The following SLC9C2 variants were observed in gnomAD, a reference collection of about 807,000 sequenced individuals.
SLC9C2 encodes solute carrier family 9 member C2 (putative).
A neutral mutation model predicts 140.2 loss-of-function variants in SLC9C2; 75 were observed. The ratio of observed to expected loss-of-function variants is 0.53; its 90% CI spans 0.44 to 0.65. The LOEUF is 0.65. Ranked by LOEUF, SLC9C2 falls within the 30% of genes least tolerant of loss-of-function variation. The probability of loss-of-function intolerance (pLI) is 0.00; values close to 1 mark genes in which losing one functional copy is unlikely to be tolerated. For missense variants in SLC9C2, 1,074 were observed against 1,331.8 expected (o/e 0.81, Z 3.01); for synonymous variants, 375 against 420.9 (o/e 0.89, Z 1.34).
chr1:173,552,295 G>T (rs1663366838), intron 11 of SLC9C2, among the ~76,000 whole-genome samples: 6 of 152,212 alleles, frequency 3.9e-5, no homozygotes, highest in Admixed American at 3.9e-4. Context: ...GCTGCAGCAA[G>T]TTATCCAGAA....
chr1:173,555,779 G>GA (rs1036321915), intron 10 of SLC9C2, among the ~76,000 whole-genome samples: 16 of 151,986 alleles, frequency 1.1e-4, no homozygotes, highest in Admixed American at 6.5e-4. Flanking sequence ...TAAATCCTCA[G>GA]AAAAAAAATG....
At chr1:173,599,142 G>A (rs1012169494) in intron 3 of SLC9C2, among the ~76,000 whole-genome samples, 1 of 150,924 alleles carries the variant, frequency 6.6e-6, no homozygotes, top group Non-Finnish European at 1.5e-5. Flanking sequence ...TTTTTGAGAC[G>A]GAGTCTCGCT....
chr1:173,521,420 C>G, intron 21 of SLC9C2, 21 bp from the exon 22 acceptor site: 1 of 1,263,030 alleles, frequency 7.9e-7, no homozygotes, highest in Non-Finnish European at 1.1e-6. Context: ...AAAAAAAAAA[C>G]GAAAAGAAAA....
intron 4 of SLC9C2, among the ~76,000 whole-genome samples, chr1:173,591,355 A>C (rs1666150045): frequency 6.6e-6 from 1 of 152,006 alleles, no homozygotes; most frequent in Admixed American, 6.6e-5. Context: ...ATGTATCTTC[A>C]CGGCAGAATG....
intron 3 of SLC9C2, among the ~76,000 whole-genome samples, chr1:173,599,509 G>T (rs1383296590): frequency 6.6e-6 from 1 of 151,180 alleles, no homozygotes; most frequent in Non-Finnish European, 1.5e-5. Flanking sequence ...TGAGTAGCTG[G>T]GACTACAGGC....
intron 20 of SLC9C2, among the ~76,000 whole-genome samples, 199 bp downstream of exon 20, chr1:173,524,580 T>C (rs1661065592): frequency 6.6e-6 from 1 of 152,212 alleles, no homozygotes; most frequent in Non-Finnish European, 1.5e-5. Flanking sequence ...TTTCTGTTAC[T>C]TGCAATCAAG....
At chr1:173,548,365 A>G (rs779291833) in intron 12 of SLC9C2, 24 bp downstream of exon 12, 1 of 1,599,662 alleles carries the variant, frequency 6.3e-7, no homozygotes, top group South Asian at 1.1e-5. Flanking sequence ...AAGGAAAACT[A>G]CTTTTTGCCA....
intron 11 of SLC9C2, among the ~76,000 whole-genome samples, chr1:173,550,917 GA>G (rs1663252736): frequency 1.1e-5 from 1 of 91,104 alleles, no homozygotes; most frequent in Non-Finnish European, 2.2e-5. Flanking sequence ...AGAAGGAAGG[GA>G]AGGGAAGAGG....
chr1:173,537,608 GTA>G (rs1302746202), intron 13 of SLC9C2, among the ~76,000 whole-genome samples: 5 of 151,444 alleles, frequency 3.3e-5, no homozygotes, highest in South Asian at 4.2e-4. Context: ...GTATATATAT[GTA>G]TATATATGTA....
intron 21 of SLC9C2, among the ~76,000 whole-genome samples, chr1:173,523,005 T>C (rs767700975): frequency 4.3e-4 from 65 of 152,326 alleles, no homozygotes; most frequent in Admixed American, 8.5e-4. Flanking sequence ...TTAACAACCA[T>C]CTGATAGGCT....
At chr1:173,508,683 A>C (rs753669383) in intron 24 of SLC9C2, among the ~76,000 whole-genome samples, 4 of 152,238 alleles carry the variant, frequency 2.6e-5, no homozygotes, top group Non-Finnish European at 4.4e-5. Context: ...CGCTCAGTTC[A>C]GTGAATATTA....
intron 9 of SLC9C2, among the ~76,000 whole-genome samples, chr1:173,569,147 A>G (rs1664681012): frequency 6.6e-6 from 1 of 152,016 alleles, no homozygotes; most frequent in Non-Finnish European, 1.5e-5. Context: ...CCTAGTCTGT[A>G]AGGTTTCCAC....
intron 9 of SLC9C2, among the ~76,000 whole-genome samples, chr1:173,564,039 G>A (rs1664289451): frequency 6.6e-6 from 1 of 152,110 alleles, no homozygotes; most frequent in South Asian, 2.1e-4. Flanking sequence ...AGGATCTCAT[G>A]CTTTTTTATG....
At chr1:173,569,258 A>G (rs543179721) in intron 9 of SLC9C2, among the ~76,000 whole-genome samples, 241 of 151,890 alleles carry the variant, frequency 1.6e-3, no homozygotes, top group African/African-American at 5.6e-3. Flanking sequence ...TGCTTGATCA[A>G]TTCTGCTATT....
intron 4 of SLC9C2, among the ~76,000 whole-genome samples, chr1:173,594,930 C>T (rs985085361): frequency 2.0e-5 from 3 of 152,108 alleles, no homozygotes; most frequent in Non-Finnish European, 2.9e-5. Flanking sequence ...GACAGAGTCT[C>T]GCTCTGTTGC....
At position 173,548,555 on chromosome 1, in the gene SLC9C2, G is replaced by A. The variant is rs1663027910; in HGVS notation, c.1298-3C>T. The A allele has an allele frequency of 6.2e-7, 1 of 1,613,348 alleles. No individual in the cohort carries two copies. Among genetic ancestry groups the A allele is most frequent in the Non-Finnish European group, 8.5e-7 (1 of 1,179,490 alleles). On this transcript the variant is annotated splice_polypyrimidine_tract_variant and splice_region_variant and intron_variant, in intron 11 of 27. Transcript: ENST00000367714. ...TGGGAGGGAAAGAACACACAAATCT[G>A]TGACAAAGACAAAAGCAAAGGCCTT...
chr1:173,536,018 G>A, intron 14 of SLC9C2, 69 bp from the exon 15 acceptor site: 1 of 1,341,532 alleles, frequency 7.5e-7, no homozygotes, highest in Non-Finnish European at 1.0e-6. Flanking sequence ...TAATATAAAA[G>A]GGGAAGGTGT....
chr1:173,571,451 C>T (rs1664839235), intron 9 of SLC9C2: 1 of 152,206 alleles, frequency 6.6e-6, no homozygotes, highest in Non-Finnish European at 1.5e-5. Context: ...GCCTGGCTCC[C>T]TCACCTCTTT....
At chr1:173,536,505 C>G (rs1661971154) in intron 14 of SLC9C2, among the ~76,000 whole-genome samples, 1 of 152,188 alleles carries the variant, frequency 6.6e-6, no homozygotes, top group Non-Finnish European at 1.5e-5. Context: ...GCAGTTGGGT[C>G]AATTCTTCCA....
Sources: allele counts gnomAD v4.1 joint callset (sites outside exome capture counted in the v4.1 genomes callset), GRCh38; gene constraint gnomAD v4.1.1; transcripts MANE v1.5; gene names NCBI Gene and HGNC (gene_info 2026-07-23, HGNC 2026-07-21).